CSMD1: variants seen among roughly 807,000 people sequenced by gnomAD.
The protein encoded by CSMD1 is CUB and Sushi multiple domains 1, also known as CUB and sushi domain-containing protein 1.
CSMD1 carries 213 observed loss-of-function variants against 417.5 expected under a neutral mutation model. The ratio of observed to expected loss-of-function variants is 0.51; its 90% CI spans 0.46 to 0.57. The LOEUF (loss-of-function observed/expected upper bound fraction) is 0.57. Ranked by LOEUF, CSMD1 falls within the 20% of genes least tolerant of loss-of-function variation. The pLI is 0.00. For missense variants in CSMD1, 6,923 were observed against 4,529.7 expected, an observed-to-expected ratio of 1.53 and a Z score of -15.17; for synonymous variants, 2,862 against 1,736.8, an observed-to-expected ratio of 1.65 and a Z score of -16.11.
intron 1 of CSMD1, among the ~76,000 whole-genome samples, chr8:4,938,400 C>T (rs1303741107): frequency 6.6e-6 from 1 of 152,128 alleles, no homozygotes; most frequent in Non-Finnish European, 1.5e-5. Flanking sequence ...AATATGACTC[C>T]ATGCCCACTT....
At chr8:2,946,586 GCTGA>G (rs1043925027) in intron 68 of CSMD1, among the ~76,000 whole-genome samples, 3 of 152,128 alleles carry the variant, frequency 2.0e-5, no homozygotes, top group Non-Finnish European at 2.9e-5. Context: ...CTTCTTCAGT[GCTGA>G]CTAATATTCC....
chr8:4,841,045 G>A (rs899066189), intron 1 of CSMD1, among the ~76,000 whole-genome samples: 1 of 152,166 alleles, frequency 6.6e-6, no homozygotes, highest in African/African-American at 2.4e-5. Flanking sequence ...CAGCACCAAC[G>A]TTCTTCCTGT....
chr8:4,814,025 A>T (rs1411437077), intron 1 of CSMD1, among the ~76,000 whole-genome samples: 1 of 152,242 alleles, frequency 6.6e-6, no homozygotes, highest in East Asian at 1.9e-4. Flanking sequence ...GAGCTTCATC[A>T]CATTTAAAGG....
intron 1 of CSMD1, among the ~76,000 whole-genome samples, chr8:4,698,060 A>G (rs553247342): frequency 6.6e-6 from 1 of 152,160 alleles, no homozygotes; most frequent in African/African-American, 2.4e-5. Context: ...TCATCAAAAT[A>G]TTAAGTGAAG....
chr8:3,258,372 G>T (rs1800811547), intron 26 of CSMD1, among the ~76,000 whole-genome samples: 1 of 152,116 alleles, frequency 6.6e-6, no homozygotes, highest in South Asian at 2.1e-4. Context: ...TTAGAGAAAT[G>T]CAAATTAAAA....
chr8:3,248,642 C>G (rs1563184145), intron 26 of CSMD1, among the ~76,000 whole-genome samples: 1 of 150,020 alleles, frequency 6.7e-6, no homozygotes, highest in Non-Finnish European at 1.5e-5. Context: ...CTCCCTCACT[C>G]TTTTTACTCA....
intron 11 of CSMD1, among the ~76,000 whole-genome samples, chr8:3,476,809 T>C (rs1387396820): frequency 1.3e-5 from 2 of 151,426 alleles, no homozygotes; most frequent in Non-Finnish European, 1.5e-5. Context: ...TCCCAGCTAC[T>C]TGGGAGGCTG....
chr8:3,639,383 G>C (rs192861402), intron 7 of CSMD1, among the ~76,000 whole-genome samples: 169 of 152,306 alleles, frequency 1.1e-3, no homozygotes, highest in African/African-American at 3.8e-3. Context: ...GAATGAGTGA[G>C]GGTTCATCAA....
At chr8:3,038,951 A>G (rs1810883725) in intron 50 of CSMD1, among the ~76,000 whole-genome samples, 1 of 152,176 alleles carries the variant, frequency 6.6e-6, no homozygotes, top group Admixed American at 6.5e-5. Flanking sequence ...TGGTGACTAT[A>G]TAGATTAGGT....
At chr8:4,989,890 T>A (rs1811372517) in intron 1 of CSMD1, among the ~76,000 whole-genome samples, 1 of 152,222 alleles carries the variant, frequency 6.6e-6, no homozygotes, top group Admixed American at 6.5e-5. Context: ...AAAGCTGGGT[T>A]GGTGTTTGCT....
intron 2 of CSMD1, among the ~76,000 whole-genome samples, chr8:4,568,964 G>T (rs780458012): frequency 1.5e-4 from 23 of 152,002 alleles, no homozygotes; most frequent in South Asian, 4.2e-4. Context: ...TTTTTGATGG[G>T]TTTTTTCTTG....
At chr8:4,567,847 G>C (rs1798688534) in intron 2 of CSMD1, among the ~76,000 whole-genome samples, 1 of 152,144 alleles carries the variant, frequency 6.6e-6, no homozygotes. Context: ...TATTAATTCA[G>C]ACTCTACATA....
At chr8:4,752,174 T>C (rs1811374581) in intron 1 of CSMD1, among the ~76,000 whole-genome samples, 1 of 152,110 alleles carries the variant, frequency 6.6e-6, no homozygotes, top group Non-Finnish European at 1.5e-5. Context: ...ACCACTTCTC[T>C]AGGAAGTAGA....
intron 11 of CSMD1, among the ~76,000 whole-genome samples, chr8:3,486,109 T>C (rs1450228971): frequency 6.6e-6 from 1 of 152,186 alleles, no homozygotes; most frequent in South Asian, 2.1e-4. Context: ...TAAATGACAG[T>C]TCAATCTCCT....
intron 5 of CSMD1, among the ~76,000 whole-genome samples, chr8:3,962,007 G>A (rs999084122): frequency 1.3e-5 from 2 of 152,128 alleles, no homozygotes; most frequent in Admixed American, 6.5e-5. Context: ...AAAGACATGC[G>A]TGCTTGTGTC....
chr8:3,506,910 T>G (rs750050782), intron 10 of CSMD1, among the ~76,000 whole-genome samples: 1 of 152,194 alleles, frequency 6.6e-6, no homozygotes. Flanking sequence ...AAATAAATAT[T>G]GGCAACATCA....
intron 52 of CSMD1, among the ~76,000 whole-genome samples, chr8:3,005,701 G>T (rs1209476285): frequency 2.0e-5 from 3 of 152,116 alleles, no homozygotes; most frequent in African/African-American, 4.8e-5. Flanking sequence ...TGCAGAAAAG[G>T]CCTTTGACAA....
chr8:3,898,684 A>C (rs150991734), intron 5 of CSMD1, among the ~76,000 whole-genome samples: 1 of 152,212 alleles, frequency 6.6e-6, no homozygotes, highest in Non-Finnish European at 1.5e-5. Context: ...TTTGTTTCTC[A>C]TTCAGAGTTC....
intron 40 of CSMD1, among the ~76,000 whole-genome samples, chr8:3,148,796 C>T (rs1819009395): frequency 6.6e-6 from 1 of 152,200 alleles, no homozygotes; most frequent in African/African-American, 2.4e-5. Flanking sequence ...TCGCCACTCA[C>T]ATGCCTCTCC....
Sources: gnomAD v4.1 joint callset for allele counts (sites outside exome capture counted in the v4.1 genomes callset) on GRCh38, gnomAD v4.1.1 for gene constraint, MANE v1.5 for transcripts, NCBI Gene and HGNC (gene_info 2026-07-23, HGNC 2026-07-21) for gene names.